The following UGT1A6 variants were observed in gnomAD, a reference collection of about 807,000 sequenced individuals.
UGT1A6 encodes UDP glucuronosyltransferase family 1 member A6.
A neutral mutation model predicts 44.4 loss-of-function variants in UGT1A6; 32 were observed. The observed-to-expected ratio is 0.72, with a 90% CI of 0.54 to 0.97. UGT1A6 has a LOEUF of 0.97. UGT1A6 is among the 50% of genes least tolerant of loss of function. UGT1A6 has a pLI of 0.00. For missense variants in UGT1A6, 685 were observed against 661.9 expected (o/e 1.03, Z -0.38); for synonymous variants, 238 against 248.5 (o/e 0.96, Z 0.40).
At chr2:233,703,357 C>A (rs1254530363) in intron 1 of UGT1A6, among the ~76,000 whole-genome samples, 1 of 151,876 alleles carries the variant, frequency 6.6e-6, no homozygotes, top group Non-Finnish European at 1.5e-5. Flanking sequence ...GTTAATCTAA[C>A]TTTAGGTTTA....
chr2:233,739,705 T>C (rs887179684), intron 1 of UGT1A6, among the ~76,000 whole-genome samples: 3 of 152,188 alleles, frequency 2.0e-5, no homozygotes, highest in African/African-American at 7.2e-5. Flanking sequence ...TACAGGCTCA[T>C]GGGGGAAGGG....
Position 233,692,997 on chromosome 2 carries a change from T to C in UGT1A6, c.-8T>C. ...TTTATTACCGTTGTTACTTTAACTC[T>C]TTCCAGGATGGCCTGCCTCCTTCGC... On this transcript the variant is annotated 5_prime_UTR_variant, in exon 1 of 5. Coordinates refer to ENST00000305139, the MANE Select transcript of UGT1A6 (RefSeq NM_001072.4). 1 of 1,614,038 alleles carries C rather than the reference T, an allele frequency of 6.2e-7. No individual in the cohort carries two copies. Among genetic ancestry groups the C allele is most frequent in the Non-Finnish European group, 8.5e-7 (1 of 1,179,998 alleles).
At chr2:233,705,564 C>A (rs529349858) in intron 1 of UGT1A6, among the ~76,000 whole-genome samples, 233 of 152,138 alleles carry the variant, frequency 1.5e-3, no homozygotes, top group Non-Finnish European at 2.7e-3. Context: ...TTGCTTGTGG[C>A]AAGGGATAGA....
chr2:233,700,870 T>C (rs979939494), intron 1 of UGT1A6, among the ~76,000 whole-genome samples: 10 of 148,434 alleles, frequency 6.7e-5, no homozygotes, highest in South Asian at 2.3e-4. Flanking sequence ...TATCCCTCCC[T>C]CCTCCCCCCA....
In UGT1A6 at chr2:233,745,292, C is replaced by T. The variant is rs13426130; in HGVS notation, c.862-21742C>T. On this transcript the variant is annotated intron_variant, in intron 1 of 4. Transcript: ENST00000305139. ...CCGTGTGTATAGCACTGGGGATAAA[C>T]GTGGGATGCAGTGATTATTTCCACT... 9.4e-3 allele frequency among the ~76,000 whole-genome samples: 1,433 copies of T among 151,880 alleles called. 51 individuals carry two copies. The highest frequency in any genetic ancestry group is 0.033 in the African/African-American group (1,366 of 41,200).
At chr2:233,712,628 C>T (rs1420773341) in intron 1 of UGT1A6, among the ~76,000 whole-genome samples, 2 of 152,178 alleles carry the variant, frequency 1.3e-5, no homozygotes, top group Non-Finnish European at 2.9e-5. Flanking sequence ...CTCCTCAGAC[C>T]TCAGCTGCAG....
At chr2:233,701,370 C>T (rs1390957102) in intron 1 of UGT1A6, among the ~76,000 whole-genome samples, 2 of 152,150 alleles carry the variant, frequency 1.3e-5, no homozygotes, top group Non-Finnish European at 2.9e-5. Context: ...TACAAAGAGA[C>T]TTAGACTCCC....
chr2:233,725,201 GGCA>G (rs1432389183), intron 1 of UGT1A6, among the ~76,000 whole-genome samples: 1 of 92,970 alleles, frequency 1.1e-5, no homozygotes, highest in Non-Finnish European at 1.9e-5. Context: ...CAGAGGCAGA[GGCA>G]GAGGCAGAGG....
At chr2:233,748,134 A>G (rs747605529) in intron 1 of UGT1A6, 15 of 1,609,728 alleles carry the variant, frequency 9.3e-6, no homozygotes, top group Non-Finnish European at 1.3e-5. Flanking sequence ...GTTTTTAAAA[A>G]TTGTATTTAC....
At chr2:233,738,254 G>A (rs1281964200) in intron 1 of UGT1A6, among the ~76,000 whole-genome samples, 3 of 152,180 alleles carry the variant, frequency 2.0e-5, no homozygotes, top group Admixed American at 1.3e-4. Context: ...TGGAACTGGA[G>A]TCAATTAAAG....
intron 1 of UGT1A6, among the ~76,000 whole-genome samples, chr2:233,698,808 C>T (rs1044678643): frequency 1.3e-5 from 2 of 152,216 alleles, no homozygotes; most frequent in African/African-American, 4.8e-5. Flanking sequence ...CTCCCAGCCT[C>T]GCCTTGTGGA....
In UGT1A6 at chr2:233,772,482, T is replaced by G. The variant is rs780493798; in HGVS notation, c.1522T>G (p.Cys508Gly). Residue 508 changes from cysteine to glycine, a missense_variant, in exon 5 of 5, where the codon TGT becomes GGT. Transcript: ENST00000305139. ...GACAGTGGCCTTCATCACCTTTAAATGTTGTGCTTATGGCTACCGGAAATG... is the reference window on the plus strand; with the variant it reads ...GACAGTGGCCTTCATCACCTTTAAAGGTTGTGCTTATGGCTACCGGAAATG... Reference protein sequence around the residue: ...VLTVAFITFKCCAYGYRKCLG... With the variant: ...VLTVAFITFKGCAYGYRKCLG... 5.0e-6 allele frequency: 8 copies of G among 1,614,124 alleles called. No homozygotes were observed. The Admixed American group carries it at 1.3e-4, about 27-fold the overall frequency.
rs763571226 is a variant in UGT1A6, at chr2:233,693,560, C to T, written c.556C>T (p.Pro186Ser). ...CSLEHTFSRS[P>S]DPVSYIPRCY... ...CCTGGAGCATACATTCAGCAGAAGCCCAGACCCTGTGTCCTACATTCCCAG... is the reference window on the plus strand; with the variant it reads ...CCTGGAGCATACATTCAGCAGAAGCTCAGACCCTGTGTCCTACATTCCCAG... The change falls in exon 1 of 5, where the codon CCA (proline) becomes TCA (serine). Residue 186 changes from proline to serine, a missense_variant. Transcript: ENST00000305139. The T allele has an allele frequency of 2.8e-5, 45 of 1,614,066 alleles. No individual in the cohort carries two copies. In the Admixed American group the frequency reaches 7.3e-4, roughly 26 times the overall value.
chr2:233,726,266 G>A (rs1303281171), intron 1 of UGT1A6, among the ~76,000 whole-genome samples: 5 of 152,134 alleles, frequency 3.3e-5, no homozygotes, highest in East Asian at 1.9e-4. Context: ...AGTGGCATGC[G>A]CCTATGGTCC....
At position 233,713,131 on chromosome 2, in the gene UGT1A6, C is replaced by T. The variant is rs550853040; in HGVS notation, c.861+19266C>T. ...AGCCACTGGCTCAGCATGCGGGAGGCCTTGCGGGACCTCCATGCGAGAGGC... is the reference window on the plus strand; with the variant it reads ...AGCCACTGGCTCAGCATGCGGGAGGTCTTGCGGGACCTCCATGCGAGAGGC... On this transcript the variant is annotated intron_variant, in intron 1 of 4. Transcript: ENST00000305139. The T allele has an allele frequency of 2.1e-4, 341 of 1,613,802 alleles. 2 individuals carry two copies. The South Asian group carries it at 3.5e-3, about 17-fold the overall frequency.
intron 1 of UGT1A6, among the ~76,000 whole-genome samples, chr2:233,751,179 A>G (rs1253259700): frequency 9.9e-5 from 15 of 151,976 alleles, no homozygotes; most frequent in African/African-American, 3.6e-4. Flanking sequence ...GATATGAGAC[A>G]TGAAGTTAAA....
intron 1 of UGT1A6, chr2:233,729,362 C>G (rs777664797): frequency 6.2e-7 from 1 of 1,614,044 alleles, no homozygotes; most frequent in Non-Finnish European, 8.5e-7. Context: ...ACCCTGACAA[C>G]CTATGCCATT....
At chr2:233,717,542 C>T (rs539125114) in intron 1 of UGT1A6, among the ~76,000 whole-genome samples, 1 of 152,330 alleles carries the variant, frequency 6.6e-6, no homozygotes, top group South Asian at 2.1e-4. Flanking sequence ...AAGCCTCAGC[C>T]TCACCAGCAA....
Position 233,729,529 on chromosome 2 carries a change from G to A in UGT1A6, c.861+35664G>A, listed in dbSNP as rs764609992. 2.5e-6 allele frequency: 4 copies of A among 1,614,202 alleles called. No homozygotes were observed. The South Asian group carries it at 3.3e-5, about 13-fold the overall frequency. On this transcript the variant is annotated intron_variant, in intron 1 of 4. Coordinates refer to ENST00000305139, the MANE Select transcript of UGT1A6 (RefSeq NM_001072.4). ...GTCTTGTGTGGAGCTACTACATAAT[G>A]AGGCCCTGATCAGGCACCTGAATGC...
Sources: gnomAD v4.1 joint callset for allele counts (sites outside exome capture counted in the v4.1 genomes callset) on GRCh38, gnomAD v4.1.1 for gene constraint, MANE v1.5 for transcripts, NCBI Gene and HGNC (gene_info 2026-07-23, HGNC 2026-07-21) for gene names.